Variants in ODAD2 observed in about 807,000 individuals in gnomAD.
ODAD2 encodes the protein outer dynein arm docking complex subunit 2, also known as outer dynein arm-docking complex subunit 2.
Under a neutral mutation model 106.8 loss-of-function variants are expected in ODAD2, and 89 were observed. That is an observed-to-expected ratio of 0.83 (90% CI 0.70 to 0.99). The LOEUF is 0.99. Ranked by LOEUF, ODAD2 falls within the 50% of genes least tolerant of loss-of-function variation. The pLI is 0.00. For missense variants in ODAD2, 1,168 were observed against 1,238.5 expected, an observed-to-expected ratio of 0.94 and a Z score of 0.85; for synonymous variants, 404 against 436.2, an observed-to-expected ratio of 0.93 and a Z score of 0.92.
At chr10:27,882,212 AGAAAG>A (rs1841778511) in intron 17 of ODAD2, among the ~76,000 whole-genome samples, 1 of 151,672 alleles carries the variant, frequency 6.6e-6, no homozygotes, top group East Asian at 1.9e-4. Flanking sequence ...AAAGAAAGAA[AGAAAG>A]AAAGAAAGAA....
At chr10:27,872,511 T>C (rs1184188749) in intron 17 of ODAD2, among the ~76,000 whole-genome samples, 1 of 152,030 alleles carries the variant, frequency 6.6e-6, no homozygotes, top group African/African-American at 2.4e-5. Flanking sequence ...ATAGCTCTTA[T>C]TATTTTGAGA....
intron 9 of ODAD2, among the ~76,000 whole-genome samples, chr10:27,967,405 G>A (rs1414628617): frequency 1.3e-5 from 2 of 152,206 alleles, no homozygotes; most frequent in African/African-American, 4.8e-5. Flanking sequence ...ACACTGTCCG[G>A]CTGGTATCAG....
chr10:27,828,514 G>C (rs1229186585), intron 19 of ODAD2, among the ~76,000 whole-genome samples: 1 of 152,126 alleles, frequency 6.6e-6, no homozygotes, highest in Non-Finnish European at 1.5e-5. Flanking sequence ...TTGTAGGTGT[G>C]GGACAGGAAG....
intron 7 of ODAD2, among the ~76,000 whole-genome samples, chr10:27,979,843 T>C (rs1174085709): frequency 6.6e-6 from 1 of 152,204 alleles, no homozygotes; most frequent in African/African-American, 2.4e-5. Flanking sequence ...TGGCATTTTT[T>C]GCAGAAATGT....
intron 19 of ODAD2, among the ~76,000 whole-genome samples, chr10:27,846,925 CA>C (rs1838810390): frequency 6.6e-6 from 1 of 152,046 alleles, no homozygotes; most frequent in Non-Finnish European, 1.5e-5. Flanking sequence ...ATTGAGGCAA[CA>C]ATTAATAGCC....
intron 19 of ODAD2, among the ~76,000 whole-genome samples, chr10:27,858,516 G>T (rs1839815067): frequency 6.6e-6 from 1 of 152,122 alleles, no homozygotes; most frequent in Non-Finnish European, 1.5e-5. Context: ...ATCTGGGAAA[G>T]GCTCTAGAAC....
intron 17 of ODAD2, among the ~76,000 whole-genome samples, chr10:27,872,806 T>A (rs973313641): frequency 3.3e-5 from 5 of 152,170 alleles, no homozygotes; most frequent in African/African-American, 1.2e-4. Context: ...GGGATATTGG[T>A]CTAAAATTCT....
At chr10:27,857,741 G>A (rs1316441324) in intron 19 of ODAD2, among the ~76,000 whole-genome samples, 4 of 152,052 alleles carry the variant, frequency 2.6e-5, no homozygotes, top group Non-Finnish European at 4.4e-5. Flanking sequence ...GCATTACATC[G>A]GCCACTGCTG....
intron 19 of ODAD2, among the ~76,000 whole-genome samples, chr10:27,856,812 C>T (rs901146085): frequency 3.9e-5 from 6 of 152,102 alleles, no homozygotes; most frequent in Middle Eastern, 3.4e-3. Context: ...ACTAAGAAGA[C>T]AAAAATTAGT....
At chr10:27,869,736 T>C (rs372511093) in intron 17 of ODAD2, among the ~76,000 whole-genome samples, 2 of 152,176 alleles carry the variant, frequency 1.3e-5, no homozygotes, top group East Asian at 3.9e-4. Flanking sequence ...GGTTTCACCA[T>C]GTTGGCCAGG....
At position 27,998,983 on chromosome 10, in the gene ODAD2, C is replaced by A; in HGVS notation, c.-39+11G>T. The A allele has an allele frequency of 6.4e-6, 1 of 156,066 alleles. No homozygotes were observed. Among genetic ancestry groups the A allele is most frequent in the Non-Finnish European group, 1.4e-5 (1 of 70,838 alleles). 9.7% of individuals were successfully genotyped at this position (156,066 alleles called of 1,614,324 possible). A position where few individuals can be genotyped will look rare whatever the true frequency, so the allele number is the denominator to read the frequency against. On this transcript the variant is annotated intron_variant, in intron 1 of 19. Transcript: ENST00000305242. ...GCCTCACCCGGCCGCGACCGCAGCC[C>A]AGTCCGTTACCCTGGTCTCGGGACC...
chr10:27,983,708 T>TA (rs745771644), intron 6 of ODAD2, 135 bp downstream of exon 6: 4 of 841,870 alleles, frequency 4.8e-6, no homozygotes, highest in Non-Finnish European at 7.1e-6. Flanking sequence ...CCAGCAAGCA[T>TA]ATATCAAAGG....
At chr10:27,919,973 A>G (rs774079038) in intron 16 of ODAD2, among the ~76,000 whole-genome samples, 4 of 152,120 alleles carry the variant, frequency 2.6e-5, no homozygotes, top group Admixed American at 1.3e-4. Context: ...CAGATAAAAC[A>G]CTCTATGCTT....
intron 4 of ODAD2, among the ~76,000 whole-genome samples, chr10:27,984,657 T>C (rs936421315): frequency 6.6e-6 from 1 of 152,160 alleles, no homozygotes; most frequent in Non-Finnish European, 1.5e-5. Context: ...CCACCTAATG[T>C]CTTCAGAATT....
At chr10:27,851,580 A>T (rs955508631) in intron 19 of ODAD2, among the ~76,000 whole-genome samples, 1 of 152,098 alleles carries the variant, frequency 6.6e-6, no homozygotes, top group African/African-American at 2.4e-5. Flanking sequence ...CAAATTAAAC[A>T]TTGCAGAAAA....
chr10:27,848,259 A>G (rs575749992), intron 19 of ODAD2, among the ~76,000 whole-genome samples: 1 of 152,328 alleles, frequency 6.6e-6, no homozygotes, highest in Non-Finnish European at 1.5e-5. Context: ...GCCCTCAGAA[A>G]TAATACTACA....
In ODAD2 at chr10:27,940,633, C is replaced by G. The variant is rs148908705; in HGVS notation, c.1916G>C (p.Arg639Pro). ...GTTTTCATGAGAAGTCTTCAGCAGC[C>G]GAGCCAACAGAGGAATGCCCCCAGC... Reference protein sequence around the residue: ...RKAGGIPLLARLLKTSHENML... With the variant: ...RKAGGIPLLAPLLKTSHENML... The change falls in exon 13 of 20, where the codon CGG becomes CCG. Residue 639 changes from arginine (R) to proline (P), a missense_variant. By Grantham distance (103) the Arg-to-Pro change is moderately radical. Transcript: ENST00000305242. The G allele has an allele frequency of 6.2e-7, 1 of 1,613,958 alleles. No individual in the cohort carries two copies.
At chr10:27,870,743 C>A (rs768168417) in intron 17 of ODAD2, among the ~76,000 whole-genome samples, 1 of 152,240 alleles carries the variant, frequency 6.6e-6, no homozygotes, top group East Asian at 1.9e-4. Context: ...TTTTCTTAAT[C>A]CACTCTATCA....
intron 8 of ODAD2, among the ~76,000 whole-genome samples, chr10:27,970,880 G>A (rs1371944762): frequency 1.3e-5 from 2 of 152,022 alleles, no homozygotes; most frequent in Non-Finnish European, 2.9e-5. Flanking sequence ...GCTGAGGCAG[G>A]AGAATCACTT....
Sources: gnomAD v4.1 joint callset for allele counts (sites outside exome capture counted in the v4.1 genomes callset) on GRCh38, gnomAD v4.1.1 for gene constraint, MANE v1.5 for transcripts, NCBI Gene and HGNC (gene_info 2026-07-23, HGNC 2026-07-21) for gene names.